TBC1D19: variants seen among roughly 807,000 people sequenced by gnomAD.
The protein encoded by TBC1D19 is TBC1 domain family, member 19.
TBC1D19 carries 60 observed loss-of-function variants against 89.0 expected under a neutral mutation model. The ratio of observed to expected loss-of-function variants is 0.67; its 90% CI spans 0.55 to 0.84. The LOEUF (loss-of-function observed/expected upper bound fraction) is 0.84. TBC1D19 is among the 40% of genes least tolerant of loss of function. The pLI is 0.00. For synonymous variants in TBC1D19, 189 were observed against 199.7 expected (o/e 0.95, Z 0.45); for missense variants, 500 against 610.8 (o/e 0.82, Z 1.91).
chr4:26,782,315 G>A, the TBC1D19 span, among the ~76,000 whole-genome samples: 1 of 152,186 alleles, frequency 6.6e-6, no homozygotes, highest in Admixed American at 6.5e-5. Flanking sequence ...GCTTGAGAAA[G>A]CAGGGAAAGG....
At chr4:26,648,771 T>G (rs1744130156) in intron 7 of TBC1D19, among the ~76,000 whole-genome samples, 1 of 152,180 alleles carries the variant, frequency 6.6e-6, no homozygotes, top group African/African-American at 2.4e-5. Context: ...TACTAAAAGT[T>G]TCTCCCAAAC....
chr4:26,646,185 A>G lies in TBC1D19; in HGVS notation c.480+5998A>G, dbSNP rs538428011. Among the ~76,000 whole-genome samples, 10 of 152,116 alleles carry G rather than the reference A, an allele frequency of 6.6e-5. No homozygotes were observed. In the South Asian group the frequency reaches 2.1e-3, roughly 32 times the overall value. On this transcript the variant is annotated intron_variant, in intron 7 of 20. Coordinates refer to ENST00000264866, the MANE Select transcript of TBC1D19 (RefSeq NM_018317.4). ...GAACAGACACTTTTCAAAAGAAGAC[A>G]TTTATGCAGCCAACAGACACATGAA...
the TBC1D19 span, among the ~76,000 whole-genome samples, chr4:26,778,137 C>T: frequency 1.4e-5 from 2 of 145,856 alleles, no homozygotes; most frequent in Non-Finnish European, 3.0e-5. Flanking sequence ...GGAAAGAGGC[C>T]GGACACAGTG....
intron 12 of TBC1D19, among the ~76,000 whole-genome samples, chr4:26,687,621 C>T (rs1382390712): frequency 6.6e-6 from 1 of 151,978 alleles, no homozygotes; most frequent in Non-Finnish European, 1.5e-5. Context: ...ATAATTTTAT[C>T]ATATTTATTT....
At chr4:26,830,947 T>C in the TBC1D19 span, among the ~76,000 whole-genome samples, 11,486 of 152,226 alleles carry the variant, frequency 0.075, 1,269 homozygotes, top group African/African-American at 0.24. Flanking sequence ...GAGGAGAGGA[T>C]ATTTAGATCT....
At chr4:26,620,480 A>T in intron 3 of TBC1D19, 133 bp from the exon 4 acceptor site, 1 of 708,082 alleles carries the variant, frequency 1.4e-6, no homozygotes, top group Non-Finnish European at 2.3e-6. Context: ...CTATTTTCTT[A>T]ATAAAAACAG....
chr4:26,743,224 C>T (rs1332228031), intron 18 of TBC1D19, among the ~76,000 whole-genome samples: 2 of 152,036 alleles, frequency 1.3e-5, no homozygotes, highest in Non-Finnish European at 2.9e-5. Context: ...TCAGTGTTTT[C>T]TTCCTGTCTT....
At chr4:26,680,547 A>T (rs932203878) in intron 11 of TBC1D19, among the ~76,000 whole-genome samples, 3 of 152,136 alleles carry the variant, frequency 2.0e-5, no homozygotes, top group Non-Finnish European at 4.4e-5. Context: ...TCTGTGCTAG[A>T]CTTAATTTTA....
the TBC1D19 span, among the ~76,000 whole-genome samples, chr4:26,765,449 A>AG: frequency 1.2e-5 from 1 of 85,514 alleles, no homozygotes; most frequent in Non-Finnish European, 2.4e-5. Flanking sequence ...CCAAAGAGGT[A>AG]GGGGGGGATG....
the TBC1D19 span, among the ~76,000 whole-genome samples, chr4:26,784,612 C>T: frequency 1.3e-5 from 2 of 152,168 alleles, no homozygotes; most frequent in Admixed American, 1.3e-4. Context: ...ATTCCCAAAT[C>T]TTCTCACAGT....
the TBC1D19 span, among the ~76,000 whole-genome samples, chr4:26,791,517 A>G: frequency 8.5e-5 from 13 of 152,210 alleles, no homozygotes; most frequent in Non-Finnish European, 1.3e-4. Context: ...GTAGCTGGAC[A>G]ACAGCCTGAA....
chr4:26,801,571 G>T, the TBC1D19 span, among the ~76,000 whole-genome samples: 1 of 152,040 alleles, frequency 6.6e-6, no homozygotes, highest in Non-Finnish European at 1.5e-5. Flanking sequence ...TGATGGGGAT[G>T]GTATTGAATC....
chr4:26,846,599 A>AAATTTATC, the TBC1D19 span, among the ~76,000 whole-genome samples: 1 of 152,130 alleles, frequency 6.6e-6, no homozygotes, highest in African/African-American at 2.4e-5. Context: ...TAATGGAGTC[A>AAATTTATC]AATTTATCAG....
At chr4:26,791,288 A>G in the TBC1D19 span, among the ~76,000 whole-genome samples, 1 of 152,162 alleles carries the variant, frequency 6.6e-6, no homozygotes, top group Non-Finnish European at 1.5e-5. Context: ...GATTCATTCA[A>G]ACATTTTTTG....
intron 13 of TBC1D19, among the ~76,000 whole-genome samples, chr4:26,691,784 G>C (rs1466162984): frequency 6.6e-6 from 1 of 151,920 alleles, no homozygotes; most frequent in East Asian, 1.9e-4. Flanking sequence ...ATATCTCCAA[G>C]GTATGCCTAT....
At chr4:26,813,348 A>T in the TBC1D19 span, among the ~76,000 whole-genome samples, 1 of 152,222 alleles carries the variant, frequency 6.6e-6, no homozygotes, top group African/African-American at 2.4e-5. Context: ...CTCCTTCACA[A>T]TTCCAAAATC....
chr4:26,684,469 G>A (rs575251046), intron 12 of TBC1D19, among the ~76,000 whole-genome samples: 1 of 152,222 alleles, frequency 6.6e-6, no homozygotes, highest in African/African-American at 2.4e-5. Flanking sequence ...TGTCACATAG[G>A]TTCCACCTGT....
chr4:26,823,163 A>C, the TBC1D19 span, among the ~76,000 whole-genome samples: 1 of 152,244 alleles, frequency 6.6e-6, no homozygotes, highest in African/African-American at 2.4e-5. Flanking sequence ...GGATGGCAAC[A>C]GGCAAACAGA....
chr4:26,739,249 A>G (rs898208452), intron 16 of TBC1D19, among the ~76,000 whole-genome samples: 2 of 152,194 alleles, frequency 1.3e-5, no homozygotes, highest in African/African-American at 4.8e-5. Flanking sequence ...GGGGGCAGTC[A>G]ATTCTACATT....
Sources: allele counts gnomAD v4.1 joint callset (sites outside exome capture counted in the v4.1 genomes callset), GRCh38; gene constraint gnomAD v4.1.1; transcripts MANE v1.5; gene names NCBI Gene and HGNC (gene_info 2026-07-23, HGNC 2026-07-21).